RAB3C: variants seen among roughly 807,000 people sequenced by gnomAD.
RAB3C encodes ras-related protein Rab-3C.
In RAB3C, 17 loss-of-function variants were observed where a neutral mutation model predicts 26.4. The ratio of observed to expected loss-of-function variants is 0.64; its 90% CI spans 0.44 to 0.97. The LOEUF (loss-of-function observed/expected upper bound fraction) is 0.97, where lower values mean the gene tolerates loss of function less well. RAB3C is among the 50% of genes least tolerant of loss of function. The pLI is 0.00. For synonymous variants in RAB3C, 91 were observed against 95.9 expected (o/e 0.95, Z 0.30); for missense variants, 242 against 281.9 (o/e 0.86, Z 1.01).
At chr5:58,767,781 A>G (rs1366181924) in intron 3 of RAB3C, among the ~76,000 whole-genome samples, 1 of 152,198 alleles carries the variant, frequency 6.6e-6, no homozygotes, top group Admixed American at 6.5e-5. Context: ...GCATTGTTCT[A>G]GGCTCAGGGG....
At chr5:58,680,750 C>G (rs76869942) in intron 2 of RAB3C, among the ~76,000 whole-genome samples, 1 of 152,084 alleles carries the variant, frequency 6.6e-6, no homozygotes, top group East Asian at 1.9e-4. Flanking sequence ...TCTGACCTTC[C>G]GGTATCCTTC....
chr5:58,653,906 A>G (rs1333199338), intron 2 of RAB3C, among the ~76,000 whole-genome samples: 2 of 152,204 alleles, frequency 1.3e-5, no homozygotes, highest in Non-Finnish European at 2.9e-5. Flanking sequence ...TTCTATTCAC[A>G]TGTAATCTAC....
At chr5:58,612,474 A>G (rs1746724296) in intron 1 of RAB3C, among the ~76,000 whole-genome samples, 1 of 140,698 alleles carries the variant, frequency 7.1e-6, no homozygotes, top group Non-Finnish European at 1.5e-5. Context: ...TTAGCTGGTT[A>G]GCTGTGTTCC....
intron 3 of RAB3C, among the ~76,000 whole-genome samples, chr5:58,820,489 G>C (rs1743312926): frequency 6.6e-6 from 1 of 152,138 alleles, no homozygotes; most frequent in Non-Finnish European, 1.5e-5. Context: ...CAAAACCAAA[G>C]CCAAACATTG....
intron 2 of RAB3C, among the ~76,000 whole-genome samples, chr5:58,701,281 G>A (rs993963190): frequency 6.6e-6 from 1 of 152,158 alleles, no homozygotes; most frequent in Admixed American, 6.5e-5. Flanking sequence ...AATTACAGGC[G>A]TGAGCTACTG....
At chr5:58,634,854 A>G (rs1393548200) in intron 2 of RAB3C, among the ~76,000 whole-genome samples, 1 of 152,168 alleles carries the variant, frequency 6.6e-6, no homozygotes, top group Non-Finnish European at 1.5e-5. Flanking sequence ...GTGTAGTAAC[A>G]ATATATTGGA....
chr5:58,610,653 ATT>A (rs200426328), intron 1 of RAB3C, among the ~76,000 whole-genome samples: 1 of 150,576 alleles, frequency 6.6e-6, no homozygotes, highest in Non-Finnish European at 1.5e-5. Flanking sequence ...GAATAATTGC[ATT>A]TTTTTTTGGA....
chr5:58,725,658 C>T (rs916074431), intron 2 of RAB3C, among the ~76,000 whole-genome samples: 11 of 151,596 alleles, frequency 7.3e-5, no homozygotes, highest in African/African-American at 2.7e-4. Flanking sequence ...TTACAATAAT[C>T]GATTGTATAT....
At chr5:58,741,887 C>T (rs887255741) in intron 3 of RAB3C, 3 of 152,136 alleles carry the variant, frequency 2.0e-5, no homozygotes, top group Non-Finnish European at 2.9e-5. Context: ...TGCCTGTAAT[C>T]CCAGCTACTC....
chr5:58,804,237 G>A (rs765467422), intron 3 of RAB3C, among the ~76,000 whole-genome samples: 1 of 152,064 alleles, frequency 6.6e-6, no homozygotes, highest in Admixed American at 6.6e-5. Context: ...GTAGTGACCA[G>A]CTATATTTTT....
chr5:58,696,351 C>T lies in RAB3C; in HGVS notation c.253-29651C>T, dbSNP rs188836560. ...AGTATTTTATTGAGGATTTTTCCAT[C>T]GATATTTATCAGGGATATTGGTCTA... On this transcript the variant is annotated intron_variant, in intron 2 of 4. Transcript: ENST00000282878. 1.0e-3 allele frequency among the ~76,000 whole-genome samples: 159 copies of T among 152,228 alleles called. 1 individual carries two copies. Among genetic ancestry groups the T allele is most frequent in the African/African-American group, 3.5e-3 (144 of 41,542 alleles).
At chr5:58,591,693 T>C (rs1051357639) in intron 1 of RAB3C, among the ~76,000 whole-genome samples, 38 of 150,318 alleles carry the variant, frequency 2.5e-4, no homozygotes, top group African/African-American at 9.0e-4. Context: ...TTTCATTTTT[T>C]TCCAGTTTGA....
In RAB3C at chr5:58,856,138, A is replaced by AGG. The variant is rs1460036005; in HGVS notation, c.*4789_*4790dup. Reference sequence around the variant, plus strand: ...CCATCTATGGTGCTTTCTCAGTGCTAGGGAAAAGGGAGCTTTTACTATGTT... The same window carrying AGG: ...CCATCTATGGTGCTTTCTCAGTGCTAGGGGGAAAAGGGAGCTTTTACTATGTT... On this transcript the variant is annotated 3_prime_UTR_variant, in exon 5 of 5. Transcript: ENST00000282878. 8 of 152,060 alleles carry AGG rather than the reference A, an allele frequency of 5.3e-5. 1 individual carries two copies. The highest frequency in any genetic ancestry group is 6.6e-5 in the Admixed American group (1 of 15,238). 9.4% of individuals were successfully genotyped at this position (152,060 alleles called of 1,614,324 possible).
intron 2 of RAB3C, among the ~76,000 whole-genome samples, chr5:58,625,813 C>T (rs1053267371): frequency 5.3e-5 from 8 of 150,412 alleles, no homozygotes; most frequent in South Asian, 4.2e-4. Flanking sequence ...GCCGAGATCA[C>T]GCCATTGCAC....
At chr5:58,836,909 G>A (rs951721617) in intron 4 of RAB3C, among the ~76,000 whole-genome samples, 31 of 152,170 alleles carry the variant, frequency 2.0e-4, no homozygotes, top group Admixed American at 2.0e-4. Context: ...TAGTGAGTTT[G>A]TTAGAGCCTA....
At chr5:58,824,194 G>T (rs12514504) in intron 3 of RAB3C, among the ~76,000 whole-genome samples, 1 of 151,898 alleles carries the variant, frequency 6.6e-6, no homozygotes, top group Non-Finnish European at 1.5e-5. Context: ...ATACGTGTGC[G>T]TGTGTCTTTA....
chr5:58,686,323 A>G (rs929588014), intron 2 of RAB3C, among the ~76,000 whole-genome samples: 2 of 152,104 alleles, frequency 1.3e-5, no homozygotes, highest in Non-Finnish European at 2.9e-5. Flanking sequence ...ATTTAGATAC[A>G]CTAGTATCCT....
intron 2 of RAB3C, among the ~76,000 whole-genome samples, chr5:58,627,817 T>C (rs1484025153): frequency 6.6e-6 from 1 of 152,180 alleles, no homozygotes; most frequent in African/African-American, 2.4e-5. Flanking sequence ...AAGGTCTCCA[T>C]CTTGTTTTAC....
At chr5:58,750,738 A>G (rs1741503537) in intron 3 of RAB3C, among the ~76,000 whole-genome samples, 1 of 152,072 alleles carries the variant, frequency 6.6e-6, no homozygotes, top group Non-Finnish European at 1.5e-5. Context: ...TTTTTACCTT[A>G]TGTTGTTTAT....
Sources: gnomAD v4.1 joint callset for allele counts (sites outside exome capture counted in the v4.1 genomes callset) on GRCh38, gnomAD v4.1.1 for gene constraint, MANE v1.5 for transcripts, NCBI Gene and HGNC (gene_info 2026-07-23, HGNC 2026-07-21) for gene names.